Variants in NREP observed in about 807,000 individuals in gnomAD.
NREP encodes neuronal regeneration-related protein.
NREP carries 5 observed loss-of-function variants against 8.6 expected under a neutral mutation model. That is an observed-to-expected ratio of 0.58 (90% CI 0.30 to 1.22). NREP has a LOEUF of 1.22. Ranked by LOEUF, NREP falls within the 50% of genes most tolerant of loss-of-function variation. The pLI is 0.07. For synonymous variants in NREP, 27 were observed against 28.0 expected, an observed-to-expected ratio of 0.96 and a Z score of 0.11; for missense variants, 86 against 82.5, an observed-to-expected ratio of 1.04 and a Z score of -0.17.
chr5:111,873,958 C>G (rs1435135265), intron 2 of NREP, among the ~76,000 whole-genome samples: 1 of 151,936 alleles, frequency 6.6e-6, no homozygotes, highest in African/African-American at 2.4e-5. Flanking sequence ...GTCAGAGTCT[C>G]AGGTGGAGAC....
intron 2 of NREP, among the ~76,000 whole-genome samples, chr5:111,916,840 A>G (rs1251733619): frequency 1.3e-5 from 2 of 152,136 alleles, no homozygotes; most frequent in Non-Finnish European, 2.9e-5. Flanking sequence ...GTATGCAGCA[A>G]CCTTAATTCT....
chr5:111,811,168 A>G (rs1752261105), intron 2 of NREP, among the ~76,000 whole-genome samples: 1 of 152,028 alleles, frequency 6.6e-6, no homozygotes, highest in African/African-American at 2.4e-5. Context: ...CCGCCTTTAG[A>G]CCCACTCTTG....
chr5:111,910,403 C>A (rs144002230), intron 2 of NREP, among the ~76,000 whole-genome samples: 2 of 151,870 alleles, frequency 1.3e-5, no homozygotes, highest in African/African-American at 4.8e-5. Flanking sequence ...CAATGTGTGG[C>A]GACAAATTGG....
intron 2 of NREP, among the ~76,000 whole-genome samples, chr5:111,749,763 A>G (rs1561645550): frequency 6.6e-6 from 1 of 152,146 alleles, no homozygotes; most frequent in Non-Finnish European, 1.5e-5. Context: ...CCAAGCAGAC[A>G]CTGCTGAACC....
At chr5:111,865,439 A>T (rs1018510696) in intron 2 of NREP, among the ~76,000 whole-genome samples, 1 of 152,158 alleles carries the variant, frequency 6.6e-6, no homozygotes, top group Non-Finnish European at 1.5e-5. Flanking sequence ...GCCACCAGGG[A>T]TGAGCAACAT....
chr5:111,764,389 T>C (rs963231097), intron 2 of NREP, among the ~76,000 whole-genome samples: 7 of 152,208 alleles, frequency 4.6e-5, no homozygotes, highest in Admixed American at 2.6e-4. Context: ...AATGGACTTA[T>C]AGTTCCACAT....
At chr5:111,959,117 G>A (rs1756412727) in intron 2 of NREP, among the ~76,000 whole-genome samples, 1 of 151,964 alleles carries the variant, frequency 6.6e-6, no homozygotes, top group African/African-American at 2.4e-5. Flanking sequence ...GCATGAGTTA[G>A]GGTGGGAAAG....
intron 2 of NREP, among the ~76,000 whole-genome samples, chr5:111,853,935 C>T (rs1753366400): frequency 1.3e-5 from 2 of 152,144 alleles, no homozygotes; most frequent in South Asian, 4.1e-4. Flanking sequence ...TTTCTCGTTT[C>T]ATGATGTGTC....
In NREP at chr5:111,952,150, G is replaced by A. The variant is rs555787456; in HGVS notation, c.135+23124C>T. On this transcript the variant is annotated intron_variant, in intron 2 of 3. Coordinates refer to the NREP transcript ENST00000395634. ...AATCATACAACTAAGTGTTTTCCCAGAAGCCTTTGTCAAGTGGAGAAAAGA... is the reference window on the plus strand; with the variant it reads ...AATCATACAACTAAGTGTTTTCCCAAAAGCCTTTGTCAAGTGGAGAAAAGA... Among the ~76,000 whole-genome samples, 5 of 152,158 alleles carry A rather than the reference G, an allele frequency of 3.3e-5. No individual in the cohort carries two copies. In the South Asian group the frequency reaches 1.0e-3, roughly 32 times the overall value.
intron 2 of NREP, among the ~76,000 whole-genome samples, chr5:111,915,941 C>T (rs769314341): frequency 5.3e-5 from 8 of 152,014 alleles, no homozygotes; most frequent in South Asian, 2.1e-4. Flanking sequence ...CTATCATCCA[C>T]GATCACCTTG....
At chr5:111,814,525 G>A (rs976512582) in intron 2 of NREP, among the ~76,000 whole-genome samples, 1 of 152,028 alleles carries the variant, frequency 6.6e-6, no homozygotes, top group African/African-American at 2.4e-5. Context: ...AGAAACAGTA[G>A]GATTAAAGTA....
intron 2 of NREP, among the ~76,000 whole-genome samples, chr5:111,802,882 C>T (rs1019273840): frequency 3.9e-5 from 6 of 151,912 alleles, no homozygotes; most frequent in Non-Finnish European, 7.4e-5. Context: ...CAAAACTGGA[C>T]CAGATAATGG....
intron 2 of NREP, among the ~76,000 whole-genome samples, chr5:111,973,298 T>C (rs1388905336): frequency 6.6e-6 from 1 of 152,222 alleles, no homozygotes; most frequent in Non-Finnish European, 1.5e-5. Context: ...GTTTTTCTTA[T>C]TAAGATGAAA....
Position 111,866,390 on chromosome 5 carries a change from G to A in NREP, c.135+108884C>T, listed in dbSNP as rs186395604. Among the ~76,000 whole-genome samples the A allele has an allele frequency of 2.2e-3, 330 of 152,254 alleles. 2 individuals are homozygous for A. The highest frequency in any genetic ancestry group is 7.5e-3 in the African/African-American group (312 of 41,572). ...ACATTTATGCAGGCAAAAGACACAT[G>A]AAAAAATGTTCATCATCACTGGCCA... On this transcript the variant is annotated intron_variant, in intron 2 of 3. Coordinates refer to the NREP transcript ENST00000395634.
intron 2 of NREP, among the ~76,000 whole-genome samples, chr5:111,778,124 T>C (rs1383101212): frequency 1.3e-5 from 2 of 152,068 alleles, no homozygotes; most frequent in Non-Finnish European, 2.9e-5. Flanking sequence ...CAGGCACACA[T>C]CAGAAGTGGG....
Position 111,731,072 on chromosome 5 carries a change from A to AGAC in NREP, c.82-29_82-27dup, listed in dbSNP as rs768253648. The AGAC allele has an allele frequency of 6.8e-6, 11 of 1,606,112 alleles. No homozygotes were observed. The Admixed American group carries it at 1.9e-4, about 27-fold the overall frequency. On this transcript the variant is annotated intron_variant, in intron 3 of 3. Transcript: ENST00000257435. ...CTGCAAAGCAGGCAGACCCACACAC[A>AGAC]GACAGACACACATAAAAGACAAAAT...
chr5:111,886,848 G>C (rs904913273), intron 2 of NREP, among the ~76,000 whole-genome samples: 2 of 152,010 alleles, frequency 1.3e-5, no homozygotes, highest in Admixed American at 6.6e-5. Context: ...GGGAGGGATA[G>C]CATTAGGAGA....
intron 2 of NREP, among the ~76,000 whole-genome samples, chr5:111,929,412 GA>G (rs1755477453): frequency 6.6e-6 from 1 of 152,194 alleles, no homozygotes; most frequent in Non-Finnish European, 1.5e-5. Context: ...ACCATGGTAG[GA>G]AGCCTAAGGG....
chr5:111,809,384 C>T (rs1752216576), intron 2 of NREP, among the ~76,000 whole-genome samples: 1 of 152,182 alleles, frequency 6.6e-6, no homozygotes, highest in African/African-American at 2.4e-5. Flanking sequence ...AGTGTGTCTC[C>T]TCCAAAATTC....
Sources: gnomAD v4.1 joint callset for allele counts (sites outside exome capture counted in the v4.1 genomes callset) on GRCh38, gnomAD v4.1.1 for gene constraint, MANE v1.5 for transcripts, NCBI Gene and HGNC (gene_info 2026-07-23, HGNC 2026-07-21) for gene names.